The following SYN3 variants were observed in gnomAD, a reference collection of about 807,000 sequenced individuals.
The protein encoded by SYN3 is synapsin-3.
A neutral mutation model predicts 65.8 loss-of-function variants in SYN3; 35 were observed. That is an observed-to-expected ratio of 0.53 (90% CI 0.41 to 0.70). The LOEUF is 0.70. Among genes scored for constraint, SYN3 ranks in the 30% least tolerant of loss-of-function variants. SYN3 has a pLI of 0.00. For synonymous variants in SYN3, 270 were observed against 292.9 expected, an observed-to-expected ratio of 0.92 and a Z score of 0.80; for missense variants, 680 against 749.0, an observed-to-expected ratio of 0.91 and a Z score of 1.08.
At chr22:32,672,013 A>G (rs2060378404) in intron 6 of SYN3, among the ~76,000 whole-genome samples, 1 of 152,236 alleles carries the variant, frequency 6.6e-6, no homozygotes, top group South Asian at 2.1e-4. Context: ...TTTGAGCCCT[A>G]AATTCTGGAG....
chr22:32,531,176 A>G (rs1479815737), intron 10 of SYN3, among the ~76,000 whole-genome samples: 1 of 149,484 alleles, frequency 6.7e-6, no homozygotes, highest in Admixed American at 6.7e-5. Flanking sequence ...AAAAAAAAAA[A>G]AAGAATGTGA....
chr22:32,962,008 TCAAAC>T (rs1423079808), intron 3 of SYN3, among the ~76,000 whole-genome samples: 1 of 151,728 alleles, frequency 6.6e-6, no homozygotes, highest in Non-Finnish European at 1.5e-5. Context: ...GCTCTGTCCA[TCAAAC>T]CAAAGTGTCT....
intron 2 of SYN3, among the ~76,000 whole-genome samples, chr22:32,996,976 G>A (rs912865072): frequency 3.3e-5 from 5 of 152,192 alleles, no homozygotes; most frequent in African/African-American, 1.2e-4. Context: ...TCAGACGCTG[G>A]GTGTGTGCCG....
At chr22:32,640,561 G>A (rs2059881189) in intron 6 of SYN3, among the ~76,000 whole-genome samples, 1 of 152,106 alleles carries the variant, frequency 6.6e-6, no homozygotes, top group Non-Finnish European at 1.5e-5. Flanking sequence ...GCTCCTCACA[G>A]TCTTCATAAA....
rs768903181 is a variant in SYN3, at chr22:32,533,796, G to T, written c.1092C>A (p.Ile364=). 3 of 1,611,190 alleles carry T rather than the reference G, an allele frequency of 1.9e-6. No homozygotes were observed. The highest frequency in any genetic ancestry group is 1.7e-5 in the Admixed American group (1 of 59,968). Residue 364 remains isoleucine, a synonymous_variant, in exon 10 of 14, where the codon ATC becomes ATA. Transcript: ENST00000358763. The part of the protein sequence containing the change: ...VHSKDGRDYI[I]EVMDSSMPLI... ...GACTCCCTGCTTCATCCCTCACCTC[G>T]ATGATGTAATCTCTGCCATCCTTGC...
At chr22:32,661,896 G>T (rs751694591) in intron 6 of SYN3, among the ~76,000 whole-genome samples, 94 of 152,302 alleles carry the variant, frequency 6.2e-4, no homozygotes, top group Middle Eastern at 3.4e-3. Context: ...GCATCTTGCT[G>T]CAGTGACTGA....
chr22:32,785,610 C>T (rs1167611253), intron 6 of SYN3, among the ~76,000 whole-genome samples: 1 of 152,170 alleles, frequency 6.6e-6, no homozygotes, highest in East Asian at 1.9e-4. Context: ...TTTATTGTGC[C>T]TGACATTTTC....
At chr22:32,568,756 G>A (rs2058705957) in intron 7 of SYN3, among the ~76,000 whole-genome samples, 1 of 152,166 alleles carries the variant, frequency 6.6e-6, no homozygotes, top group African/African-American at 2.4e-5. Flanking sequence ...CATATCTGTA[G>A]CAGACAGATA....
At chr22:32,704,064 A>G (rs772677922) in intron 6 of SYN3, among the ~76,000 whole-genome samples, 60 of 152,250 alleles carry the variant, frequency 3.9e-4, no homozygotes, top group Admixed American at 1.1e-3. Flanking sequence ...TTCTTTTAAG[A>G]TAATTTTAAA....
intron 6 of SYN3, among the ~76,000 whole-genome samples, chr22:32,762,444 T>C (rs564520953): frequency 1.3e-5 from 2 of 152,314 alleles, no homozygotes; most frequent in African/African-American, 4.8e-5. Context: ...AAACAGAAAA[T>C]GTCTTTCTCT....
intron 4 of SYN3, among the ~76,000 whole-genome samples, chr22:32,888,979 A>G (rs890564861): frequency 3.3e-5 from 5 of 152,224 alleles, no homozygotes; most frequent in African/African-American, 9.6e-5. Context: ...TGGCCCTCTA[A>G]TCGGTCTCAT....
chr22:32,898,971 G>A (rs769703466), intron 4 of SYN3, among the ~76,000 whole-genome samples: 5 of 152,064 alleles, frequency 3.3e-5, no homozygotes, highest in Admixed American at 2.0e-4. Context: ...ATGTGGTGGC[G>A]TGTGCCTGTA....
At chr22:32,642,254 A>AC (rs1283156275) in intron 6 of SYN3, among the ~76,000 whole-genome samples, 2 of 151,518 alleles carry the variant, frequency 1.3e-5, no homozygotes, top group Non-Finnish European at 2.9e-5. Context: ...ATGCCACTGC[A>AC]CTCCAGCCTT....
intron 6 of SYN3, among the ~76,000 whole-genome samples, chr22:32,824,017 G>A (rs1407628534): frequency 6.6e-6 from 1 of 152,116 alleles, no homozygotes; most frequent in Non-Finnish European, 1.5e-5. Context: ...GGTGACTCAC[G>A]CCTGTAATCC....
intron 4 of SYN3, among the ~76,000 whole-genome samples, chr22:32,921,747 C>G (rs1309999573): frequency 6.6e-6 from 1 of 152,116 alleles, no homozygotes; most frequent in Non-Finnish European, 1.5e-5. Flanking sequence ...TTATCCTGAT[C>G]CAGGCATTGT....
At chr22:32,881,708 C>T (rs1319394627) in intron 4 of SYN3, among the ~76,000 whole-genome samples, 2 of 152,064 alleles carry the variant, frequency 1.3e-5, no homozygotes, top group African/African-American at 4.8e-5. Context: ...GGTGAGCTTT[C>T]TTTATTTTAT....
At chr22:33,012,705 C>A (rs777015117) in intron 1 of SYN3, among the ~76,000 whole-genome samples, 1 of 152,232 alleles carries the variant, frequency 6.6e-6, no homozygotes, top group Admixed American at 6.5e-5. Flanking sequence ...GGCACATGGA[C>A]CTGGGGCATC....
chr22:32,520,931 C>G (rs1445038172), intron 12 of SYN3, among the ~76,000 whole-genome samples: 4 of 152,170 alleles, frequency 2.6e-5, no homozygotes, highest in African/African-American at 9.7e-5. Flanking sequence ...GACTGAACAT[C>G]AAACATCCCT....
intron 3 of SYN3, among the ~76,000 whole-genome samples, chr22:32,951,190 C>T (rs1035994141): frequency 6.6e-6 from 1 of 152,178 alleles, no homozygotes; most frequent in African/African-American, 2.4e-5. Context: ...ATGCCTCCCC[C>T]CATCCCCCTA....
Sources: gnomAD v4.1 joint callset for allele counts (sites outside exome capture counted in the v4.1 genomes callset) on GRCh38, gnomAD v4.1.1 for gene constraint, MANE v1.5 for transcripts, NCBI Gene and HGNC (gene_info 2026-07-23, HGNC 2026-07-21) for gene names.